Variants in SNAI1 observed in about 807,000 individuals in gnomAD.
SNAI1 encodes snail family transcriptional repressor 1.
SNAI1 carries 15 observed loss-of-function variants against 24.7 expected under a neutral mutation model. The observed-to-expected ratio is 0.61, with a 90% CI of 0.41 to 0.93. The LOEUF (loss-of-function observed/expected upper bound fraction) is 0.93, where lower values mean the gene tolerates loss of function less well. SNAI1 is among the 40% of genes least tolerant of loss of function. The pLI, the probability that SNAI1 is intolerant of heterozygous loss-of-function variation, is 0.00. For missense variants in SNAI1, 283 were observed against 336.7 expected (o/e 0.84, Z 1.25); for synonymous variants, 163 against 142.9 (o/e 1.14, Z -1.00).
chr20:49,986,217 G>A (rs917174641), intron 2 of SNAI1, among the ~76,000 whole-genome samples: 1 of 152,216 alleles, frequency 6.6e-6, no homozygotes, highest in African/African-American at 2.4e-5. Flanking sequence ...CCCTTCAGGC[G>A]TGGCGTGTGG....
In SNAI1 at chr20:49,984,043, A is replaced by G; in HGVS notation, c.302A>G (p.Gln101Arg). 1 of 1,613,740 alleles carries G rather than the reference A, an allele frequency of 6.2e-7. No homozygotes were observed. The highest frequency in any genetic ancestry group is 8.5e-7 in the Non-Finnish European group (1 of 1,179,796). ...LSDEDSGKGS[Q>R]PPSPPSPAPS... ...GATGAGGACAGTGGGAAAGGCTCCC[A>G]GCCCCCCAGCCCACCCTCACCGGCT... The change falls in exon 2 of 3, where the codon CAG becomes CGG. Residue 101 changes from glutamine to arginine, a missense_variant. Gln to Arg is a conservative substitution (Grantham distance 43). Coordinates refer to ENST00000244050, the MANE Select transcript of SNAI1 (RefSeq NM_005985.4).
Position 49,984,249 on chromosome 20 carries a change from A to G in SNAI1, c.508A>G (p.Lys170Glu), listed in dbSNP as rs1199361493. 1 of 1,614,068 alleles carries G rather than the reference A, an allele frequency of 6.2e-7. No homozygotes were observed. The highest frequency in any genetic ancestry group is 8.5e-7 in the Non-Finnish European group (1 of 1,180,028). ...GGAATACCTCAGCCTGGGTGCCCTCAAGATGCACATCCGAAGCCACACGCT... is the reference window on the plus strand; with the variant it reads ...GGAATACCTCAGCCTGGGTGCCCTCGAGATGCACATCCGAAGCCACACGCT... ...NKEYLSLGALKMHIRSHTLPC... is the reference protein window; with the variant it reads ...NKEYLSLGALEMHIRSHTLPC... Residue 170 changes from lysine to glutamate, a missense_variant, in exon 2 of 3, where the codon AAG becomes GAG. Lys to Glu is a moderately conservative substitution (Grantham distance 56). Transcript: ENST00000244050.
At position 49,983,121 on chromosome 20, in the gene SNAI1, A is replaced by G. The variant is rs1166990801; in HGVS notation, c.62A>G (p.Glu21Gly). The G allele has an allele frequency of 1.2e-6, 2 of 1,613,590 alleles. No homozygotes were observed. The change falls in exon 1 of 3, where the codon GAG (glutamate) becomes GGG (glycine). Residue 21 changes from glutamate to glycine, a missense_variant. Transcript: ENST00000244050. ...CCCAATCGGAAGCCTAACTACAGCG[A>G]GCTGCAGGACTCTAATCCAGGTGCG... ...SDPNRKPNYS[E>G]LQDSNPEFTF... is the part of the protein sequence containing the mutation.
rs2078341003 is a variant in SNAI1 at position 49,988,396 on chromosome 20, A to G, written c.*340A>G. On this transcript the variant is annotated 3_prime_UTR_variant, in exon 3 of 3. Transcript: ENST00000244050. ...TGAGCTACAGGACAAAGGCTGACAG[A>G]CTCACTGGGAAGCTCCCACCCCACT... 4.8e-6 allele frequency: 1 copy of G among 206,792 alleles called. No homozygotes were observed. Among genetic ancestry groups the G allele is most frequent in the Admixed American group, 5.6e-5 (1 of 17,806 alleles). The allele number at this position is 206,792 out of a possible 1,614,324, so 12.8% of individuals were successfully genotyped here.
chr20:49,987,866 C>T lies in SNAI1; in HGVS notation c.611-6C>T, dbSNP rs201293282. Reference sequence around the variant, plus strand: ...TCACTCGGCCTTTCTGGCGTTCTCTCCCCAGGCGAGAAGCCCTTCTCCTGT... The same window carrying T: ...TCACTCGGCCTTTCTGGCGTTCTCTTCCCAGGCGAGAAGCCCTTCTCCTGT... On this transcript the variant is annotated splice_region_variant and splice_polypyrimidine_tract_variant and intron_variant, in intron 2 of 2. Coordinates refer to ENST00000244050, the MANE Select transcript of SNAI1 (RefSeq NM_005985.4). 1 of 1,613,602 alleles carries T rather than the reference C, an allele frequency of 6.2e-7. No individual in the cohort carries two copies. The highest frequency in any genetic ancestry group is 1.3e-5 in the African/African-American group (1 of 74,920).
chr20:49,985,134 G>A (rs991951800), intron 2 of SNAI1, among the ~76,000 whole-genome samples: 3 of 152,172 alleles, frequency 2.0e-5, no homozygotes, highest in Non-Finnish European at 2.9e-5. Flanking sequence ...CATCTTTGGG[G>A]CAGAAAACAC....
intron 2 of SNAI1, among the ~76,000 whole-genome samples, chr20:49,985,881 G>A (rs562534009): frequency 9.2e-5 from 14 of 152,364 alleles, no homozygotes; most frequent in Non-Finnish European, 1.8e-4. Flanking sequence ...CCATGAAGGC[G>A]TCTGGGGGGC....
intron 2 of SNAI1, among the ~76,000 whole-genome samples, chr20:49,987,622 A>C (rs1490127187): frequency 6.6e-6 from 1 of 152,146 alleles, no homozygotes; most frequent in East Asian, 1.9e-4. Flanking sequence ...TGGGGGGTGA[A>C]TAGCCCCATT....
chr20:49,983,934 C>T lies in SNAI1; in HGVS notation c.193C>T (p.Leu65=). 1 of 1,613,556 alleles carries T rather than the reference C, an allele frequency of 6.2e-7. No homozygotes were observed. Among genetic ancestry groups the T allele is most frequent in the South Asian group, 1.1e-5 (1 of 91,088 alleles). ...SLPMLIWDSV[L]APQAQPIAWA... ...GCCAATGCTCATCTGGGACTCTGTC[C>T]TGGCGCCCCAAGCCCAGCCAATTGC... Residue 65 remains leucine (L), a synonymous_variant, in exon 2 of 3, where the codon CTG becomes TTG. Transcript: ENST00000244050.
In SNAI1 at chr20:49,988,052, G is replaced by A. The variant is rs902610951; in HGVS notation, c.791G>A (p.Arg264His). 12 of 1,591,000 alleles carry A rather than the reference G, an allele frequency of 7.5e-6. 1 individual carries two copies. The highest frequency in any genetic ancestry group is 1.0e-5 in the Non-Finnish European group (12 of 1,166,248). Residue 264 changes from arginine to histidine, a missense_variant, in exon 3 of 3, where the codon CGC (arginine) becomes CAC (histidine). Physicochemically the swap from Arg to His is conservative, Grantham distance 29. Coordinates refer to ENST00000244050, the MANE Select transcript of SNAI1 (RefSeq NM_005985.4). Reference sequence around the variant, plus strand: ...GAGTCCGGCTGCTCAGGATGTCCCCGCTGACCCTCGAGGCTCCCTCTTCCT... The same window carrying A: ...GAGTCCGGCTGCTCAGGATGTCCCCACTGACCCTCGAGGCTCCCTCTTCCT... ...HQESGCSGCPR is the reference protein window; with the variant it reads ...HQESGCSGCPH
intron 2 of SNAI1, among the ~76,000 whole-genome samples, chr20:49,985,920 C>T (rs912260420): frequency 3.3e-5 from 5 of 152,214 alleles, no homozygotes; most frequent in African/African-American, 9.7e-5. Flanking sequence ...GGGTCTGTGC[C>T]TCCTGCGTGT....
intron 2 of SNAI1, among the ~76,000 whole-genome samples, chr20:49,987,628 C>T (rs374873657): frequency 6.6e-6 from 1 of 152,216 alleles, no homozygotes; most frequent in East Asian, 1.9e-4. Flanking sequence ...GTGAATAGCC[C>T]CATTTTACAG....
rs1478997833 is a variant in SNAI1, at chr20:49,983,931, G to C, written c.190G>C (p.Val64Leu). Residue 64 changes from valine to leucine, a missense_variant, in exon 2 of 3, where the codon GTC becomes CTC. Transcript: ENST00000244050. ...GCTGCCAATGCTCATCTGGGACTCT[G>C]TCCTGGCGCCCCAAGCCCAGCCAAT... ...ASLPMLIWDS[V>L]LAPQAQPIAW... 6.2e-7 allele frequency: 1 copy of C among 1,613,444 alleles called. No individual in the cohort carries two copies. Among genetic ancestry groups the C allele is most frequent in the Admixed American group, 1.7e-5 (1 of 60,012 alleles).
rs1406628782 is a variant in SNAI1 at position 49,988,571 on chromosome 20, G to T, written c.*515G>T. 1 of 152,964 alleles carries T rather than the reference G, an allele frequency of 6.5e-6. No homozygotes were observed. The highest frequency in any genetic ancestry group is 1.9e-4 in the East Asian group (1 of 5,176). The allele number at this position is 152,964 out of a possible 1,614,324, so 9.5% of individuals were successfully genotyped here. ...GGCAGACTAGAGTCTGAGATGCCCC[G>T]AGCCCAGGCAGCTATTTCAGCCTCC... is the stretch of plus-strand genomic sequence containing the variant. On this transcript the variant is annotated 3_prime_UTR_variant, in exon 3 of 3. Coordinates refer to ENST00000244050, the MANE Select transcript of SNAI1 (RefSeq NM_005985.4).
intron 1 of SNAI1, 53 bp from the exon 2 acceptor site, chr20:49,983,771 G>A (rs1342483555): frequency 2.6e-6 from 4 of 1,509,778 alleles, no homozygotes; most frequent in Non-Finnish European, 3.5e-6. Context: ...GCTCATGTTT[G>A]TTGATTGAGT....
chr20:49,988,052 G>C lies in SNAI1; in HGVS notation c.791G>C (p.Arg264Pro). The change falls in exon 3 of 3, where the codon CGC becomes CCC. Residue 264 changes from arginine to proline, a missense_variant. By Grantham distance (103) the Arg-to-Pro change is moderately radical. Coordinates refer to ENST00000244050, the MANE Select transcript of SNAI1 (RefSeq NM_005985.4). ...HQESGCSGCPR is the reference protein window; with the variant it reads ...HQESGCSGCPP ...GAGTCCGGCTGCTCAGGATGTCCCC[G>C]CTGACCCTCGAGGCTCCCTCTTCCT... 6.3e-7 allele frequency: 1 copy of C among 1,591,000 alleles called. No homozygotes were observed. Among genetic ancestry groups the C allele is most frequent in the Non-Finnish European group, 8.6e-7 (1 of 1,166,248 alleles).
chr20:49,983,028 C>T lies in SNAI1; in HGVS notation c.-32C>T. 1 of 1,560,494 alleles carries T rather than the reference C, an allele frequency of 6.4e-7. No individual in the cohort carries two copies. The highest frequency in any genetic ancestry group is 8.8e-7 in the Non-Finnish European group (1 of 1,137,016). On this transcript the variant is annotated 5_prime_UTR_variant, in exon 1 of 3. Transcript: ENST00000244050. ...GAGTGGTTCTTCTGCGCTACTGCTG[C>T]GCGAATCGGCGACCCCAGTGCCTCG...
chr20:49,987,733 T>C (rs2078338423), intron 2 of SNAI1, 139 bp from the exon 3 acceptor site: 1 of 758,284 alleles, frequency 1.3e-6, no homozygotes, highest in East Asian at 2.7e-5. Context: ...CTTTGGACCC[T>C]GGCTGTGTGT....
Position 49,988,086 on chromosome 20 carries a change from C to G in SNAI1, c.*30C>G, listed in dbSNP as rs778678794. ...CGAGGCTCCCTCTTCCTCTCCATAC[C>G]TGCCCCTGCCTGACAGCCTTCCCCA... On this transcript the variant is annotated 3_prime_UTR_variant, in exon 3 of 3. Transcript: ENST00000244050. The G allele has an allele frequency of 6.5e-7, 1 of 1,541,434 alleles. No homozygotes were observed. The highest frequency in any genetic ancestry group is 8.8e-7 in the Non-Finnish European group (1 of 1,137,922).
Sources: gnomAD v4.1 joint callset for allele counts (sites outside exome capture counted in the v4.1 genomes callset) on GRCh38, gnomAD v4.1.1 for gene constraint, MANE v1.5 for transcripts, NCBI Gene and HGNC (gene_info 2026-07-23, HGNC 2026-07-21) for gene names.